DENND2A: variants seen among roughly 807,000 people sequenced by gnomAD.
DENND2A encodes DENN domain-containing protein 2A.
DENND2A carries 53 observed loss-of-function variants against 105.3 expected under a neutral mutation model. That is an observed-to-expected ratio of 0.50 (90% CI 0.40 to 0.63). The LOEUF is 0.63. DENND2A is among the 30% of genes least tolerant of loss of function. The probability of loss-of-function intolerance (pLI) is 0.00; values close to 1 mark genes in which losing one functional copy is unlikely to be tolerated. For missense variants in DENND2A, 1,138 were observed against 1,279.6 expected, an observed-to-expected ratio of 0.89 and a Z score of 1.69; for synonymous variants, 522 against 508.4, an observed-to-expected ratio of 1.03 and a Z score of -0.36.
At chr7:140,562,497 T>A (rs919180922) in intron 9 of DENND2A, among the ~76,000 whole-genome samples, 1 of 151,920 alleles carries the variant, frequency 6.6e-6, no homozygotes, top group African/African-American at 2.4e-5. Context: ...CCGTCTCTAC[T>A]AAAAATACAA....
chr7:140,635,632 C>T (rs1351495071), intron 1 of DENND2A, among the ~76,000 whole-genome samples: 1 of 152,170 alleles, frequency 6.6e-6, no homozygotes, highest in Non-Finnish European at 1.5e-5. Flanking sequence ...AAGCTTGCTG[C>T]AAGGGTGACC....
rs564339863 is a variant in DENND2A, at chr7:140,639,029, G to A, written c.-248+1475C>T. On this transcript the variant is annotated intron_variant, in intron 1 of 19. Transcript: ENST00000496613. ...GTGTAAGGGTATGAATAGAATACAT[G>A]ACACAGGATTTTATTAATCTTCCAG... 7.2e-5 allele frequency among the ~76,000 whole-genome samples: 11 copies of A among 152,274 alleles called. No homozygotes were observed. The South Asian group carries it at 2.1e-3, about 29-fold the overall frequency.
chr7:140,563,483 A>G (rs1797711214), intron 9 of DENND2A, among the ~76,000 whole-genome samples: 1 of 152,088 alleles, frequency 6.6e-6, no homozygotes, highest in African/African-American at 2.4e-5. Context: ...GAACATTAGC[A>G]TGCAAATAGG....
intron 3 of DENND2A, among the ~76,000 whole-genome samples, chr7:140,592,217 T>A (rs867165281): frequency 9.6e-4 from 144 of 149,492 alleles, no homozygotes; most frequent in African/African-American, 3.2e-3. Context: ...TTTTTATTTT[T>A]TTTTTTTGAG....
At chr7:140,586,181 G>A (rs1206652216) in intron 4 of DENND2A, among the ~76,000 whole-genome samples, 1 of 151,886 alleles carries the variant, frequency 6.6e-6, no homozygotes, top group Non-Finnish European at 1.5e-5. Context: ...TTGTGGGGAC[G>A]CTGGGAAGCC....
intron 11 of DENND2A, among the ~76,000 whole-genome samples, chr7:140,557,776 G>T (rs1585626883): frequency 6.7e-6 from 1 of 150,046 alleles, no homozygotes; most frequent in African/African-American, 2.4e-5. Flanking sequence ...CTGACCTCGT[G>T]ATCCGCCCGT....
chr7:140,548,478 T>A (rs966334589), intron 12 of DENND2A, among the ~76,000 whole-genome samples: 2 of 151,938 alleles, frequency 1.3e-5, no homozygotes, highest in African/African-American at 2.4e-5. Context: ...GCTATGATCA[T>A]GCCACCACAC....
At chr7:140,630,348 C>G (rs1007758866) in intron 1 of DENND2A, among the ~76,000 whole-genome samples, 1 of 152,216 alleles carries the variant, frequency 6.6e-6, no homozygotes, top group Admixed American at 6.5e-5. Context: ...TTTACCTGGA[C>G]CTTCCAACTA....
At position 140,525,792 on chromosome 7, in the gene DENND2A, C is replaced by T; in HGVS notation, c.2506G>A (p.Val836Ile). The T allele has an allele frequency of 6.2e-7, 1 of 1,600,682 alleles. No individual in the cohort carries two copies. Among genetic ancestry groups the T allele is most frequent in the Non-Finnish European group, 8.5e-7 (1 of 1,173,232 alleles). ...PLLRELPLEE[V>I]LVVDLVNSRF... Reference sequence around the variant, plus strand: ...CTGTTGACGAGGTCAACCACAAGGACCTATGAGATGAGACGAAAGGGACTG... The same window carrying T: ...CTGTTGACGAGGTCAACCACAAGGATCTATGAGATGAGACGAAAGGGACTG... The change falls in exon 16 of 20, where the codon GTC (valine) becomes ATC (isoleucine). Residue 836 changes from valine to isoleucine, a missense_variant and splice_region_variant. By Grantham distance (29) the Val-to-Ile change is conservative. Coordinates refer to ENST00000496613, the MANE Select transcript of DENND2A (RefSeq NM_015689.5).
chr7:140,538,479 A>C (rs1796527488), intron 14 of DENND2A, among the ~76,000 whole-genome samples: 2 of 152,134 alleles, frequency 1.3e-5, no homozygotes, highest in Admixed American at 1.3e-4. Flanking sequence ...ACCAGCTGTA[A>C]TTTAACCTGA....
intron 3 of DENND2A, among the ~76,000 whole-genome samples, chr7:140,595,962 C>T (rs1799267820): frequency 6.6e-6 from 1 of 152,154 alleles, no homozygotes; most frequent in Non-Finnish European, 1.5e-5. Context: ...GGCTTTCCTA[C>T]CACCAGGTGC....
At chr7:140,623,027 G>A (rs888746524) in intron 1 of DENND2A, among the ~76,000 whole-genome samples, 17 of 152,094 alleles carry the variant, frequency 1.1e-4, no homozygotes, top group African/African-American at 3.1e-4. Context: ...GAGGTCACAA[G>A]AGCAGCCCTC....
At position 140,561,498 on chromosome 7, in the gene DENND2A, C is replaced by CTTTTTTTTTTTTTTTTTTTTTTTTT. The variant is rs536896244; in HGVS notation, c.1780-1682_1780-1681insAAAAAAAAAAAAAAAAAAAAAAAAA. The stretch of plus-strand genomic sequence containing the variant: ...TATATTTTTTCTTTCTTTCTGTTGT[C>CTTTTTTTTTTTTTTTTTTTTTTTTT]TTTTTTTTTTTTTTTTTTTTTGAGA... On this transcript the variant is annotated intron_variant, in intron 9 of 19. Coordinates refer to ENST00000496613, the MANE Select transcript of DENND2A (RefSeq NM_015689.5). Among the ~76,000 whole-genome samples, 4 of 102,518 alleles carry CTTTTTTTTTTTTTTTTTTTTTTTTT rather than the reference C, an allele frequency of 3.9e-5. 1 individual carries two copies. The highest frequency in any genetic ancestry group is 3.8e-5 in the Non-Finnish European group (2 of 52,158). The allele number at this position is 102,518 out of a possible 152,430, so 67.3% of individuals were successfully genotyped here.
At chr7:140,552,988 G>A (rs1797199715) in intron 12 of DENND2A, among the ~76,000 whole-genome samples, 1 of 152,180 alleles carries the variant, frequency 6.6e-6, no homozygotes, top group South Asian at 2.1e-4. Context: ...TAGGGGTGAA[G>A]GGGTGGGTTG....
intron 2 of DENND2A, among the ~76,000 whole-genome samples, chr7:140,604,802 G>A (rs1261508985): frequency 6.6e-6 from 1 of 152,194 alleles, no homozygotes; most frequent in African/African-American, 2.4e-5. Context: ...GAAACTCTAT[G>A]AGTCAGAGGC....
chr7:140,541,044 G>A (rs1796637831), intron 14 of DENND2A, among the ~76,000 whole-genome samples: 2 of 152,118 alleles, frequency 1.3e-5, no homozygotes, highest in African/African-American at 2.4e-5. Flanking sequence ...TTTGTGCCCT[G>A]AGCCTTCTGA....
chr7:140,574,812 G>A (rs973998949), intron 5 of DENND2A, among the ~76,000 whole-genome samples: 19 of 152,074 alleles, frequency 1.2e-4, no homozygotes, highest in African/African-American at 4.6e-4. Context: ...GAGGTCAGGA[G>A]TTTGAGACCA....
intron 5 of DENND2A, among the ~76,000 whole-genome samples, chr7:140,584,246 A>G (rs940410804): frequency 3.3e-5 from 5 of 152,218 alleles, no homozygotes; most frequent in African/African-American, 7.2e-5. Flanking sequence ...CGTCTCAAAA[A>G]ACAAAAACAA....
At chr7:140,626,136 C>T (rs1354294964) in intron 1 of DENND2A, among the ~76,000 whole-genome samples, 2 of 152,206 alleles carry the variant, frequency 1.3e-5, no homozygotes, top group Admixed American at 1.3e-4. Context: ...GCCTACAGGT[C>T]CACCTTGACG....
Sources: allele counts gnomAD v4.1 joint callset (sites outside exome capture counted in the v4.1 genomes callset), GRCh38; gene constraint gnomAD v4.1.1; transcripts MANE v1.5; gene names NCBI Gene and HGNC (gene_info 2026-07-23, HGNC 2026-07-21).